Variants in DOCK8 observed in about 807,000 individuals in gnomAD.
DOCK8 encodes dedicator of cytokinesis 8.
In DOCK8, 141 loss-of-function variants were observed where a neutral mutation model predicts 245.6. That is an observed-to-expected ratio of 0.57 (90% CI 0.50 to 0.66). The LOEUF (loss-of-function observed/expected upper bound fraction) is 0.66, where lower values mean the gene tolerates loss of function less well. Among genes scored for constraint, DOCK8 ranks in the 30% least tolerant of loss-of-function variants. The pLI, the probability that DOCK8 is intolerant of heterozygous loss-of-function variation, is 0.00. For missense variants in DOCK8, 2,965 were observed against 2,603.4 expected, an observed-to-expected ratio of 1.14 and a Z score of -3.02; for synonymous variants, 1,168 against 970.2, an observed-to-expected ratio of 1.20 and a Z score of -3.79.
In DOCK8 at chr9:228,980, T is replaced by C. The variant is rs146435043; in HGVS notation, c.53+13951T>C. 1.1e-3 allele frequency among the ~76,000 whole-genome samples: 162 copies of C among 152,302 alleles called. 3 individuals are homozygous for C. The East Asian group carries it at 0.031, about 29-fold the overall frequency. ...GTTCAGAAACCTAGCTGGTCTTTTT[T>C]GCATTCTTAGCTGGTAAAGGGAACA... is the stretch of plus-strand genomic sequence containing the variant. On this transcript the variant is annotated intron_variant, in intron 1 of 47. Coordinates refer to ENST00000432829, the MANE Select transcript of DOCK8 (RefSeq NM_203447.4).
At chr9:362,063 T>C (rs530727741) in intron 14 of DOCK8, among the ~76,000 whole-genome samples, 2 of 152,294 alleles carry the variant, frequency 1.3e-5, no homozygotes, top group South Asian at 4.1e-4. Context: ...TCTTTGAGAT[T>C]TTTAAGGCCC....
intron 1 of DOCK8, among the ~76,000 whole-genome samples, chr9:253,740 G>C (rs556261650): frequency 8.5e-4 from 129 of 152,190 alleles, no homozygotes; most frequent in Non-Finnish European, 1.6e-3. Flanking sequence ...CCTCTGCCAT[G>C]ATTGATGGCT....
At chr9:452,321 G>C (rs1306277099) in intron 46 of DOCK8, among the ~76,000 whole-genome samples, 2 of 152,156 alleles carry the variant, frequency 1.3e-5, no homozygotes, top group Non-Finnish European at 2.9e-5. Context: ...GATGCACACT[G>C]AAGTTTGAGG....
chr9:451,977 A>ATT (rs35071801), intron 45 of DOCK8, 34 bp from the exon 46 acceptor site: 67 of 184,494 alleles, frequency 3.6e-4, no homozygotes, highest in African/African-American at 7.4e-4. Flanking sequence ...ATATATATAT[A>ATT]TTTTTTTTTT....
intron 5 of DOCK8, 58 bp from the exon 6 acceptor site, chr9:311,896 C>A: frequency 6.3e-7 from 1 of 1,594,054 alleles, no homozygotes; most frequent in Non-Finnish European, 8.5e-7. Context: ...CAAGATTCTT[C>A]GGTTCTCATT....
intron 1 of DOCK8, among the ~76,000 whole-genome samples, chr9:247,650 C>T (rs1043892839): frequency 2.0e-4 from 30 of 152,270 alleles, no homozygotes; most frequent in African/African-American, 6.5e-4. Context: ...TCTCCGGCCT[C>T]AGCCTCCCGA....
chr9:323,331 C>T (rs1395889610), intron 7 of DOCK8, among the ~76,000 whole-genome samples: 1 of 143,880 alleles, frequency 7.0e-6, no homozygotes, highest in Non-Finnish European at 1.5e-5. Context: ...TCAAGTGATT[C>T]TCCTGCCTCA....
chr9:371,684 A>G (rs1308469141), intron 17 of DOCK8, 118 bp downstream of exon 17: 3 of 1,366,166 alleles, frequency 2.2e-6, no homozygotes, highest in South Asian at 2.5e-5. Context: ...GTAGCAAAAC[A>G]TGCTAAGCCA....
At chr9:420,784 T>C (rs924777227) in intron 31 of DOCK8, among the ~76,000 whole-genome samples, 165 bp from the exon 32 acceptor site, 9 of 152,210 alleles carry the variant, frequency 5.9e-5, no homozygotes, top group African/African-American at 2.2e-4. Context: ...GAGAACCCCA[T>C]TTCTGTTGAC....
At chr9:329,318 G>A (rs371547353) in intron 9 of DOCK8, among the ~76,000 whole-genome samples, 2 of 149,674 alleles carry the variant, frequency 1.3e-5, no homozygotes, top group East Asian at 1.9e-4. Context: ...CAGCCTCTTA[G>A]GTTTGGAACA....
chr9:215,494 C>G (rs7869327), intron 1 of DOCK8: 1 of 1,450,070 alleles, frequency 6.9e-7, no homozygotes, highest in Admixed American at 2.7e-5. Context: ...AGCCTTCTGT[C>G]GTCCTGAGCA....
chr9:299,027 A>G (rs1401323370), intron 4 of DOCK8, among the ~76,000 whole-genome samples: 1 of 152,060 alleles, frequency 6.6e-6, no homozygotes, highest in Admixed American at 6.6e-5. Flanking sequence ...CTAAAATTGG[A>G]TTTTTCAAGA....
At chr9:211,585 G>A (rs991068754), upstream of DOCK8, among the ~76,000 whole-genome samples, 3 of 152,162 alleles carry the variant, frequency 2.0e-5, no homozygotes, top group African/African-American at 7.2e-5. Flanking sequence ...GCCACTGTGA[G>A]AACAGTGATA....
intron 18 of DOCK8, 78 bp downstream of exon 18, chr9:372,364 C>A (rs1563977643): frequency 1.7e-6 from 2 of 1,146,240 alleles, no homozygotes; most frequent in South Asian, 1.2e-5. Context: ...ACTTTCCATT[C>A]CCATGTGGCC....
intron 26 of DOCK8, among the ~76,000 whole-genome samples, chr9:400,598 A>T (rs62644264): frequency 2.5e-5 from 2 of 81,156 alleles, no homozygotes; most frequent in Admixed American, 1.2e-4. Flanking sequence ...CACCACCTCC[A>T]CCATCACCAC....
chr9:439,411 G>A (rs762519622), intron 40 of DOCK8, 23 bp downstream of exon 40: 19 of 1,610,138 alleles, frequency 1.2e-5, no homozygotes, highest in East Asian at 1.1e-4. Context: ...AGGGCATCCC[G>A]GGGCCTGGCC....
intron 3 of DOCK8, among the ~76,000 whole-genome samples, chr9:289,192 C>T (rs140330963): frequency 6.6e-6 from 1 of 152,256 alleles, no homozygotes; most frequent in African/African-American, 2.4e-5. Flanking sequence ...TACTTATTTT[C>T]CTTGTTTTGT....
intron 46 of DOCK8, among the ~76,000 whole-genome samples, chr9:453,502 C>G (rs2057531207): frequency 6.6e-6 from 1 of 152,190 alleles, no homozygotes; most frequent in Non-Finnish European, 1.5e-5. Flanking sequence ...TCTCAGCTCA[C>G]TGCAACCTCC....
At chr9:395,209 C>T (rs1214368064) in intron 24 of DOCK8, among the ~76,000 whole-genome samples, 3 of 152,042 alleles carry the variant, frequency 2.0e-5, no homozygotes, top group African/African-American at 4.8e-5. Flanking sequence ...AAGAGGATGC[C>T]GCCATGAGGA....
Sources: allele counts gnomAD v4.1 joint callset (sites outside exome capture counted in the v4.1 genomes callset), GRCh38; gene constraint gnomAD v4.1.1; transcripts MANE v1.5; gene names NCBI Gene and HGNC (gene_info 2026-07-23, HGNC 2026-07-21).